The following TENM3 variants were observed in gnomAD, a reference collection of about 807,000 sequenced individuals.
The protein encoded by TENM3 is teneurin-3.
A neutral mutation model predicts 255.1 loss-of-function variants in TENM3; 63 were observed. That is an observed-to-expected ratio of 0.25 (90% CI 0.20 to 0.30). The LOEUF (loss-of-function observed/expected upper bound fraction) is 0.30, where lower values mean the gene tolerates loss of function less well. Among genes scored for constraint, TENM3 ranks in the 10% least tolerant of loss-of-function variants. The pLI is 1.00. For synonymous variants in TENM3, 1,306 were observed against 1,322.3 expected (o/e 0.99, Z 0.27); for missense variants, 2,929 against 3,461.1 (o/e 0.85, Z 3.86).
chr4:182,161,662 CAA>C (rs1579553001), intron 1 of TENM3, among the ~76,000 whole-genome samples: 2 of 77,342 alleles, frequency 2.6e-5, no homozygotes, highest in East Asian at 1.3e-3. Context: ...TACACACACA[CAA>C]ATATATATAT....
At chr4:182,010,489 A>G in the TENM3 span, among the ~76,000 whole-genome samples, 1 of 151,762 alleles carries the variant, frequency 6.6e-6, no homozygotes. Flanking sequence ...TGATTTACAA[A>G]TAAATAATTA....
chr4:182,328,609 G>T (rs1363225227), intron 2 of TENM3, among the ~76,000 whole-genome samples: 1 of 152,148 alleles, frequency 6.6e-6, no homozygotes, highest in Non-Finnish European at 1.5e-5. Context: ...AGAAGGGAAG[G>T]AAGAAGGAAG....
At chr4:182,767,811 G>A (rs1763851884) in intron 22 of TENM3, among the ~76,000 whole-genome samples, 1 of 152,186 alleles carries the variant, frequency 6.6e-6, no homozygotes, top group Non-Finnish European at 1.5e-5. Context: ...GAAGACCCGA[G>A]GAAGGCCCAC....
chr4:182,390,059 C>T (rs531537352), intron 3 of TENM3, among the ~76,000 whole-genome samples: 13 of 152,280 alleles, frequency 8.5e-5, no homozygotes, highest in Middle Eastern at 3.4e-3. Context: ...GCCCACCTCC[C>T]TCAGTTTGGT....
chr4:181,839,059 A>G, the TENM3 span, among the ~76,000 whole-genome samples: 1 of 151,562 alleles, frequency 6.6e-6, no homozygotes, highest in African/African-American at 2.4e-5. Flanking sequence ...CGGTAATGAA[A>G]TTTGGCTATT....
intron 3 of TENM3, among the ~76,000 whole-genome samples, chr4:182,454,126 T>G (rs1356198169): frequency 1.3e-5 from 2 of 152,258 alleles, no homozygotes; most frequent in Non-Finnish European, 2.9e-5. Context: ...TGCATTATCA[T>G]CTTATTGAGC....
chr4:182,222,322 A>G (rs1755893628), intron 1 of TENM3, among the ~76,000 whole-genome samples: 1 of 152,242 alleles, frequency 6.6e-6, no homozygotes. Flanking sequence ...AAACTCATTG[A>G]AATGTAGAAA....
At chr4:182,115,269 C>CG in the TENM3 span, among the ~76,000 whole-genome samples, 1 of 152,130 alleles carries the variant, frequency 6.6e-6, no homozygotes, top group Non-Finnish European at 1.5e-5. Flanking sequence ...ATTCAAGAAA[C>CG]AATCATTGGA....
intron 12 of TENM3, chr4:182,708,173 T>C (rs1310346425): frequency 6.6e-6 from 1 of 152,140 alleles, no homozygotes; most frequent in Non-Finnish European, 1.5e-5. Context: ...CATAGGGTTG[T>C]GGTGAAGATG....
At chr4:182,109,261 A>G in the TENM3 span, among the ~76,000 whole-genome samples, 1 of 148,704 alleles carries the variant, frequency 6.7e-6, no homozygotes, top group Admixed American at 6.8e-5. Flanking sequence ...TAACATATTC[A>G]TATTATAATT....
chr4:182,419,380 G>A lies in TENM3; in HGVS notation c.511+72451G>A, dbSNP rs555602778. ...AAAAGTCAGGAAACAACAGGTGCTG[G>A]AGAGGATGTGGAGAAATAGGAACGC... is the stretch of plus-strand genomic sequence containing the variant. On this transcript the variant is annotated intron_variant, in intron 3 of 27. Transcript: ENST00000511685. Among the ~76,000 whole-genome samples the A allele has an allele frequency of 2.0e-5, 3 of 152,274 alleles. No homozygotes were observed. The South Asian group carries it at 6.2e-4, about 32-fold the overall frequency.
the TENM3 span, among the ~76,000 whole-genome samples, chr4:181,587,027 G>A: frequency 6.6e-6 from 1 of 152,098 alleles, no homozygotes; most frequent in Non-Finnish European, 1.5e-5. Flanking sequence ...ACTAAAATAA[G>A]TGAAAACTAC....
At chr4:181,517,922 G>T in the TENM3 span, among the ~76,000 whole-genome samples, 1 of 152,116 alleles carries the variant, frequency 6.6e-6, no homozygotes, top group African/African-American at 2.4e-5. Flanking sequence ...GCCCTTTCCA[G>T]CACGCTCAGG....
chr4:181,949,719 A>G, the TENM3 span, among the ~76,000 whole-genome samples: 1 of 152,120 alleles, frequency 6.6e-6, no homozygotes, highest in Non-Finnish European at 1.5e-5. Context: ...AAGCTTCACA[A>G]TGATCATCAC....
rs371703348 is a variant in TENM3 at position 182,513,548 on chromosome 4, T to C, written c.512-87376T>C. Among the ~76,000 whole-genome samples the C allele has an allele frequency of 1.3e-4, 20 of 151,816 alleles. No homozygotes were observed. The East Asian group carries it at 3.9e-3, about 30-fold the overall frequency. On this transcript the variant is annotated intron_variant, in intron 3 of 27. Transcript: ENST00000511685. ...TTCATTTTGTAAGGTTTTTAAAAAA[T>C]AGATCTGGGATTAAATCTGGCTTTT...
chr4:181,690,784 T>G, the TENM3 span, among the ~76,000 whole-genome samples: 5 of 152,326 alleles, frequency 3.3e-5, no homozygotes, highest in South Asian at 6.2e-4. Flanking sequence ...CTTTGTGGAT[T>G]GACAGTTATA....
chr4:181,852,506 G>A, the TENM3 span, among the ~76,000 whole-genome samples: 1 of 152,016 alleles, frequency 6.6e-6, no homozygotes, highest in Non-Finnish European at 1.5e-5. Context: ...ACAAAATCTG[G>A]CCTTCTTGTT....
chr4:181,604,931 ATAT>A, the TENM3 span, among the ~76,000 whole-genome samples: 2 of 152,144 alleles, frequency 1.3e-5, no homozygotes, highest in African/African-American at 2.4e-5. Context: ...AGACTACCCC[ATAT>A]TATTGTTGTG....
In TENM3 at chr4:182,310,449, G is replaced by A. The variant is rs113658565; in HGVS notation, c.-75-13497G>A. On this transcript the variant is annotated intron_variant, in intron 1 of 27. Transcript: ENST00000511685. Reference sequence around the variant, plus strand: ...AGGAGGCAGGCTTTCTCCAAATGACGGCAAAAATGTAAACAAGCTACAAGT... The same window carrying A: ...AGGAGGCAGGCTTTCTCCAAATGACAGCAAAAATGTAAACAAGCTACAAGT... Among the ~76,000 whole-genome samples the A allele has an allele frequency of 3.6e-4, 54 of 152,004 alleles. 1 individual carries two copies. Among genetic ancestry groups the A allele is most frequent in the Admixed American group, 2.4e-3 (37 of 15,264 alleles).
Sources: allele counts gnomAD v4.1 joint callset (sites outside exome capture counted in the v4.1 genomes callset), GRCh38; gene constraint gnomAD v4.1.1; transcripts MANE v1.5; gene names NCBI Gene and HGNC (gene_info 2026-07-23, HGNC 2026-07-21).